Variants in FLRT2 observed in about 807,000 individuals in gnomAD.
FLRT2 encodes fibronectin leucine rich transmembrane protein 2.
A neutral mutation model predicts 40.0 loss-of-function variants in FLRT2; 15 were observed. The observed-to-expected ratio is 0.38, with a 90% CI of 0.25 to 0.58. The LOEUF is 0.58. Ranked by LOEUF, FLRT2 falls within the 20% of genes least tolerant of loss-of-function variation. The pLI, the probability that FLRT2 is intolerant of heterozygous loss-of-function variation, is 0.71. For synonymous variants in FLRT2, 380 were observed against 336.8 expected, an observed-to-expected ratio of 1.13 and a Z score of -1.41; for missense variants, 726 against 840.0, an observed-to-expected ratio of 0.86 and a Z score of 1.68.
At chr14:85,609,214 G>T (rs1393817430) in intron 1 of FLRT2, among the ~76,000 whole-genome samples, 2 of 152,140 alleles carry the variant, frequency 1.3e-5, no homozygotes, top group Non-Finnish European at 2.9e-5. Flanking sequence ...GAAAGTTGGA[G>T]CCAGGAAATT....
In FLRT2 at chr14:85,645,219, T is replaced by C. The variant is rs956061159; in HGVS notation, c.*21722T>C. ...GTATACATATGTATATATGTACACA[T>C]GTGTATATATGTATATACATATATG... On this transcript the variant is annotated 3_prime_UTR_variant, in exon 2 of 2. Transcript: ENST00000330753. The C allele has an allele frequency of 2.7e-5, 4 of 150,130 alleles. No individual in the cohort carries two copies. The highest frequency in any genetic ancestry group is 1.0e-4 in the African/African-American group (4 of 39,906). The allele number at this position is 150,130 out of a possible 1,614,324, so 9.3% of individuals were successfully genotyped here.
rs982076678 is a variant in FLRT2 at position 85,642,567 on chromosome 14, G to A, written c.*19070G>A. 8 of 152,196 alleles carry A rather than the reference G, an allele frequency of 5.3e-5. 1 individual carries two copies. Among genetic ancestry groups the A allele is most frequent in the Admixed American group, 2.6e-4 (4 of 15,286 alleles). The allele number at this position is 152,196 out of a possible 1,614,324, so 9.4% of individuals were successfully genotyped here. ...AAGGCTAAAATAACAACAAAAAAACGGCAATAGTTTGTTATTTTTTATCAG... is the reference window on the plus strand; with the variant it reads ...AAGGCTAAAATAACAACAAAAAAACAGCAATAGTTTGTTATTTTTTATCAG... On this transcript the variant is annotated 3_prime_UTR_variant, in exon 2 of 2. Transcript: ENST00000330753.
At chr14:85,575,336 A>ATT (rs796587160) in intron 1 of FLRT2, among the ~76,000 whole-genome samples, 26 of 146,474 alleles carry the variant, frequency 1.8e-4, no homozygotes, top group African/African-American at 6.2e-4. Flanking sequence ...TTCTTACAAC[A>ATT]TTTTTTTTTT....
intron 1 of FLRT2, among the ~76,000 whole-genome samples, chr14:85,572,411 C>T (rs1050049221): frequency 1.5e-4 from 23 of 152,176 alleles, no homozygotes; most frequent in Non-Finnish European, 2.8e-4. Context: ...TTTTCATTAA[C>T]TTCTCAAGCA....
At chr14:85,580,212 G>A (rs530603931) in intron 1 of FLRT2, among the ~76,000 whole-genome samples, 3 of 152,278 alleles carry the variant, frequency 2.0e-5, no homozygotes, top group African/African-American at 4.8e-5. Context: ...AATAGCAGGT[G>A]GGTGTCTGCT....
rs1444296593 is a variant in FLRT2 at position 85,606,826 on chromosome 14, G to A, written c.-376-14313G>A. 2.6e-5 allele frequency among the ~76,000 whole-genome samples: 4 copies of A among 151,346 alleles called. No homozygotes were observed. In the East Asian group the frequency reaches 7.9e-4, roughly 30 times the overall value. ...CTTGAGCCACCGCACCCGGCCGTTA[G>A]CTGTTACTCTTATTTCCATGCTTGG... On this transcript the variant is annotated intron_variant, in intron 1 of 1. Coordinates refer to ENST00000330753, the MANE Select transcript of FLRT2 (RefSeq NM_013231.6).
At chr14:85,606,705 A>C (rs933394867) in intron 1 of FLRT2, among the ~76,000 whole-genome samples, 3 of 150,968 alleles carry the variant, frequency 2.0e-5, no homozygotes, top group Non-Finnish European at 2.9e-5. Flanking sequence ...TTGTATTTTT[A>C]GTGGAGACAG....
intron 1 of FLRT2, among the ~76,000 whole-genome samples, chr14:85,579,927 T>TTTA (rs1252011554): frequency 6.9e-6 from 1 of 145,372 alleles, no homozygotes; most frequent in Non-Finnish European, 1.5e-5. Flanking sequence ...GTATTAGAAT[T>TTTA]TTTTTTTTTT....
intron 1 of FLRT2, among the ~76,000 whole-genome samples, chr14:85,592,808 G>GAA (rs35794980): frequency 4.6e-5 from 6 of 129,330 alleles, no homozygotes; most frequent in African/African-American, 1.7e-4. Flanking sequence ...AAAAAAAAAA[G>GAA]AAAAAAAAGA....
intron 1 of FLRT2, among the ~76,000 whole-genome samples, chr14:85,549,476 T>G (rs1258404667): frequency 6.6e-6 from 1 of 152,122 alleles, no homozygotes; most frequent in Non-Finnish European, 1.5e-5. Flanking sequence ...TTCACGAGTC[T>G]TGCAAAGAGT....
rs1555373506 is a variant in FLRT2 at position 85,642,144 on chromosome 14, A to AAAAAAAG, written c.*18650_*18651insAAAGAAA. 2.7e-5 allele frequency: 4 copies of AAAAAAAG among 150,278 alleles called. No individual in the cohort carries two copies. Among genetic ancestry groups the AAAAAAAG allele is most frequent in the African/African-American group, 9.8e-5 (4 of 40,894 alleles). 9.3% of individuals were successfully genotyped at this position (150,278 alleles called of 1,614,324 possible). A position where few individuals can be genotyped will look rare whatever the true frequency, so the allele number is the denominator to read the frequency against. On this transcript the variant is annotated 3_prime_UTR_variant, in exon 2 of 2. Transcript: ENST00000330753. ...AGGTTGCTGTTGACAAAAAAAAAAAAAAAGAAAGAAAGAAAAAAATGGCAC... is the reference window on the plus strand; with the variant it reads ...AGGTTGCTGTTGACAAAAAAAAAAAAAAAAAAGAAAGAAAGAAAGAAAAAAATGGCAC...
chr14:85,612,926 A>G (rs2753612), intron 1 of FLRT2, among the ~76,000 whole-genome samples: 124,781 of 152,084 alleles, frequency 0.82, 51,247 homozygotes, highest in East Asian at 0.88. Context: ...TGAAGGAGAC[A>G]TAAGATTTTC....
Position 85,654,378 on chromosome 14 carries a change from A to T in FLRT2, c.*30881A>T, listed in dbSNP as rs1261672083. Reference sequence around the variant, plus strand: ...AGATCTAACTAATTTTACCATTTTCATATCTCTGTGCATACTCTTAATAAA... The same window carrying T: ...AGATCTAACTAATTTTACCATTTTCTTATCTCTGTGCATACTCTTAATAAA... On this transcript the variant is annotated 3_prime_UTR_variant, in exon 2 of 2. Transcript: ENST00000330753. 6.6e-6 allele frequency: 1 copy of T among 152,200 alleles called. No homozygotes were observed. The highest frequency in any genetic ancestry group is 1.5e-5 in the Non-Finnish European group (1 of 68,018). The allele number at this position is 152,200 out of a possible 1,614,324, so 9.4% of individuals were successfully genotyped here.
At chr14:85,560,817 T>C (rs1209608160) in intron 1 of FLRT2, 1 of 151,966 alleles carries the variant, frequency 6.6e-6, no homozygotes, top group Non-Finnish European at 1.5e-5. Flanking sequence ...GTGATGCTGG[T>C]GGGAAACCTA....
At chr14:85,603,812 G>A (rs1351209518) in intron 1 of FLRT2, among the ~76,000 whole-genome samples, 2 of 152,166 alleles carry the variant, frequency 1.3e-5, no homozygotes, top group Non-Finnish European at 2.9e-5. Flanking sequence ...AGATTGCAGC[G>A]AGCCGAGGTC....
chr14:85,584,969 T>C (rs1163463545), intron 1 of FLRT2, among the ~76,000 whole-genome samples: 1 of 152,006 alleles, frequency 6.6e-6, no homozygotes, highest in Non-Finnish European at 1.5e-5. Context: ...GATAAAGATG[T>C]AAGAAGGATA....
intron 1 of FLRT2, among the ~76,000 whole-genome samples, chr14:85,532,281 T>C (rs1333188160): frequency 6.6e-6 from 1 of 152,206 alleles, no homozygotes. Context: ...GCGTAGCTCT[T>C]GGCGCGGGCT....
At chr14:85,560,536 G>A (rs146540330) in intron 1 of FLRT2, among the ~76,000 whole-genome samples, 3,335 of 151,798 alleles carry the variant, frequency 0.022, 125 homozygotes, top group African/African-American at 0.075. Context: ...AGCCGAGATC[G>A]CACCACTGCA....
intron 1 of FLRT2, among the ~76,000 whole-genome samples, chr14:85,548,571 A>T (rs17643472): frequency 0.057 from 8,716 of 152,332 alleles, 344 homozygotes; most frequent in Non-Finnish European, 0.088. Context: ...TATATTGAAG[A>T]GATGCTTGTG....
Sources: gnomAD v4.1 joint callset for allele counts (sites outside exome capture counted in the v4.1 genomes callset) on GRCh38, gnomAD v4.1.1 for gene constraint, MANE v1.5 for transcripts, NCBI Gene and HGNC (gene_info 2026-07-23, HGNC 2026-07-21) for gene names.